Variants in TTC21B observed in about 807,000 individuals in gnomAD.
TTC21B encodes tetratricopeptide repeat protein 21B.
A neutral mutation model predicts 175.1 loss-of-function variants in TTC21B; 127 were observed. The ratio of observed to expected loss-of-function variants is 0.73; its 90% CI spans 0.63 to 0.84. TTC21B has a LOEUF of 0.84. Among genes scored for constraint, TTC21B ranks in the 40% least tolerant of loss-of-function variants. TTC21B has a pLI of 0.00. For missense variants in TTC21B, 1,561 were observed against 1,558.3 expected, an observed-to-expected ratio of 1.00 and a Z score of -0.03; for synonymous variants, 524 against 524.5, an observed-to-expected ratio of 1.00 and a Z score of 0.01.
At chr2:165,940,978 A>G in intron 6 of TTC21B, 49 bp downstream of exon 6, 2 of 1,608,314 alleles carry the variant, frequency 1.2e-6, no homozygotes, top group Non-Finnish European at 8.5e-7. Flanking sequence ...CTTTTTCTCA[A>G]AATTATAACC....
At chr2:165,936,473 A>C (rs1329957846) in intron 6 of TTC21B, among the ~76,000 whole-genome samples, 2 of 152,116 alleles carry the variant, frequency 1.3e-5, no homozygotes, top group East Asian at 3.8e-4. Context: ...ACTTCATTAA[A>C]ATTAAAAATT....
At chr2:165,901,937 T>C (rs878961068) in intron 19 of TTC21B, 27 bp from the exon 20 acceptor site, 2 of 1,285,174 alleles carry the variant, frequency 1.6e-6, no homozygotes, top group Non-Finnish European at 2.1e-6. Flanking sequence ...TAAAAGGGAA[T>C]AAAAAAAAAA....
Position 165,953,695 on chromosome 2 carries a change from T to G in TTC21B, c.11A>C (p.Gln4Pro). 9.7e-6 allele frequency: 14 copies of G among 1,445,180 alleles called. No homozygotes were observed. The highest frequency in any genetic ancestry group is 1.3e-5 in the Non-Finnish European group (14 of 1,094,548). 89.5% of individuals were successfully genotyped at this position (1,445,180 alleles called of 1,614,324 possible). The change falls in exon 1 of 29, where the codon CAG (glutamine) becomes CCG (proline). Residue 4 changes from glutamine to proline, a missense_variant. Transcript: ENST00000243344. ...CGCTCACCCGCTCACCTTCAATTCC[T>G]GCGAGTCCATGGCTGCCCCGAGGCC... MDS[Q>P]ELKTLINYYC...
chr2:165,931,120 T>C (rs1367928778), intron 8 of TTC21B, among the ~76,000 whole-genome samples: 1 of 152,102 alleles, frequency 6.6e-6, no homozygotes. Context: ...GTTTACACAA[T>C]CTGATATCTT....
At chr2:165,945,892 T>C (rs1687542161) in intron 3 of TTC21B, among the ~76,000 whole-genome samples, 1 of 152,230 alleles carries the variant, frequency 6.6e-6, no homozygotes, top group Non-Finnish European at 1.5e-5. Context: ...AAATTAATCT[T>C]AATGTTTTAT....
chr2:165,943,440 A>C, intron 4 of TTC21B, 99 bp from the exon 5 acceptor site: 2 of 932,854 alleles, frequency 2.1e-6, no homozygotes, highest in Non-Finnish European at 3.3e-6. Context: ...TAATAACAAA[A>C]AGGACTCTAT....
At chr2:165,921,243 AT>A (rs1680107093) in intron 12 of TTC21B, among the ~76,000 whole-genome samples, 1 of 152,144 alleles carries the variant, frequency 6.6e-6, no homozygotes, top group South Asian at 2.1e-4. Flanking sequence ...ATTCAATCAT[AT>A]GGCCAATGAT....
At position 165,953,715 on chromosome 2, in the gene TTC21B, G is replaced by A. The variant is rs1234626593; in HGVS notation, c.-10C>T. On this transcript the variant is annotated 5_prime_UTR_variant, in exon 1 of 29. Coordinates refer to ENST00000243344, the MANE Select transcript of TTC21B (RefSeq NM_024753.5). ...ATTCCTGCGAGTCCATGGCTGCCCC[G>A]AGGCCGGGCCGCGGGGCTCTGGGGA... 2.0e-6 allele frequency: 3 copies of A among 1,518,606 alleles called. No individual in the cohort carries two copies. Among genetic ancestry groups the A allele is most frequent in the Non-Finnish European group, 2.6e-6 (3 of 1,137,392 alleles). 94.1% of individuals were successfully genotyped at this position (1,518,606 alleles called of 1,614,324 possible).
intron 22 of TTC21B, among the ~76,000 whole-genome samples, chr2:165,892,728 C>A (rs893809798): frequency 6.6e-6 from 1 of 151,982 alleles, no homozygotes; most frequent in Non-Finnish European, 1.5e-5. Context: ...GAATGAGGAA[C>A]GAGGAACTGG....
intron 23 of TTC21B, 41 bp downstream of exon 23, chr2:165,890,797 G>GAA: frequency 6.3e-7 from 1 of 1,578,518 alleles, no homozygotes. Context: ...TTTACAATGA[G>GAA]AAAAAAAAAT....
In TTC21B at chr2:165,953,707, G is replaced by A. The variant is rs1400226085; in HGVS notation, c.-2C>T. Reference sequence around the variant, plus strand: ...CACCTTCAATTCCTGCGAGTCCATGGCTGCCCCGAGGCCGGGCCGCGGGGC... The same window carrying A: ...CACCTTCAATTCCTGCGAGTCCATGACTGCCCCGAGGCCGGGCCGCGGGGC... On this transcript the variant is annotated 5_prime_UTR_variant, in exon 1 of 29. Transcript: ENST00000243344. 2.0e-6 allele frequency: 3 copies of A among 1,494,394 alleles called. No homozygotes were observed. The South Asian group carries it at 3.7e-5, about 18-fold the overall frequency. 92.6% of individuals were successfully genotyped at this position (1,494,394 alleles called of 1,614,324 possible). A position where few individuals can be genotyped will look rare whatever the true frequency, so the allele number is the denominator to read the frequency against.
chr2:165,887,600 T>C (rs896935785), intron 25 of TTC21B, among the ~76,000 whole-genome samples: 1 of 151,850 alleles, frequency 6.6e-6, no homozygotes, highest in Non-Finnish European at 1.5e-5. Context: ...GGCAGGAGAA[T>C]TGCCCGAACC....
At chr2:165,926,256 G>T (rs975084250) in intron 11 of TTC21B, among the ~76,000 whole-genome samples, 7 of 152,138 alleles carry the variant, frequency 4.6e-5, no homozygotes, top group Non-Finnish European at 8.8e-5. Context: ...ATGATTTCTT[G>T]TTCTATCTAC....
At chr2:165,913,805 A>G (rs992391642) in intron 15 of TTC21B, among the ~76,000 whole-genome samples, 159 bp from the exon 16 acceptor site, 44 of 152,152 alleles carry the variant, frequency 2.9e-4, no homozygotes, top group Admixed American at 1.3e-4. Flanking sequence ...CCTCATGCAT[A>G]CCCACACCCA....
At chr2:165,877,680 C>CAT (rs1002768191) in intron 27 of TTC21B, among the ~76,000 whole-genome samples, 13 of 152,024 alleles carry the variant, frequency 8.6e-5, no homozygotes, top group East Asian at 7.7e-4. Context: ...CACATGACTG[C>CAT]ATATATATAT....
At chr2:165,938,448 G>C (rs1219424830) in intron 6 of TTC21B, among the ~76,000 whole-genome samples, 3 of 152,090 alleles carry the variant, frequency 2.0e-5, no homozygotes, top group Admixed American at 6.5e-5. Context: ...GAGACAAGCA[G>C]ACATTCTGTC....
chr2:165,924,593 A>G lies in TTC21B; in HGVS notation c.1472T>C (p.Leu491Pro). 1 of 1,613,836 alleles carries G rather than the reference A, an allele frequency of 6.2e-7. No individual in the cohort carries two copies. Among genetic ancestry groups the G allele is most frequent in the Non-Finnish European group, 8.5e-7 (1 of 1,179,838 alleles). Residue 491 changes from leucine to proline, a missense_variant, in exon 12 of 29, where the codon CTT becomes CCT. Transcript: ENST00000243344. ...LETVVRTVPG[L>P]LQTVFLIAKV... ...TGCTATTAGGAAGACTGTTTGCAGA[A>G]GACCTGGAACAGTTCTTACTACAGT...
intron 5 of TTC21B, among the ~76,000 whole-genome samples, 179 bp from the exon 6 acceptor site, chr2:165,941,363 T>C (rs548354289): frequency 2.1e-4 from 32 of 152,280 alleles, no homozygotes; most frequent in African/African-American, 7.7e-4. Flanking sequence ...ACAAATACAT[T>C]ATATAAGCTA....
At chr2:165,920,800 A>AT (rs1470863737) in intron 12 of TTC21B, among the ~76,000 whole-genome samples, 1 of 62,440 alleles carries the variant, frequency 1.6e-5, no homozygotes. Context: ...TTTGAAGGAT[A>AT]CTAAATATTT....
Sources: gnomAD v4.1 joint callset for allele counts (sites outside exome capture counted in the v4.1 genomes callset) on GRCh38, gnomAD v4.1.1 for gene constraint, MANE v1.5 for transcripts, NCBI Gene and HGNC (gene_info 2026-07-23, HGNC 2026-07-21) for gene names.